Variants in VWA5A observed in about 807,000 individuals in gnomAD.
VWA5A encodes the protein von Willebrand factor A domain-containing protein 5A.
In VWA5A, 77 loss-of-function variants were observed where a neutral mutation model predicts 84.6. That is an observed-to-expected ratio of 0.91 (90% CI 0.76 to 1.10). VWA5A has a LOEUF of 1.10. Among genes scored for constraint, VWA5A ranks in the 50% least tolerant of loss-of-function variants. The pLI is 0.00. For synonymous variants in VWA5A, 334 were observed against 350.1 expected (o/e 0.95, Z 0.51); for missense variants, 973 against 963.0 (o/e 1.01, Z -0.14).
rs1339635801 is a variant in VWA5A, at chr11:124,146,551, C to G, written c.*606C>G. On this transcript the variant is annotated 3_prime_UTR_variant, in exon 19 of 19. Transcript: ENST00000456829. ...AGCCTGTACAACCTACATGTCTTTT[C>G]TTCCACTGCCTGAAAGACTTGGGTT... The G allele has an allele frequency of 6.6e-6, 1 of 152,344 alleles. No individual in the cohort carries two copies. Among genetic ancestry groups the G allele is most frequent in the Non-Finnish European group, 1.5e-5 (1 of 68,172 alleles). 9.4% of individuals were successfully genotyped at this position (152,344 alleles called of 1,614,324 possible).
chr11:124,133,954 C>G (rs1198859776), intron 11 of VWA5A, among the ~76,000 whole-genome samples: 1 of 152,096 alleles, frequency 6.6e-6, no homozygotes, highest in Non-Finnish European at 1.5e-5. Flanking sequence ...ACTTTGTTGC[C>G]TAGGCTGCTC....
At chr11:124,123,985 C>CA (rs1321213460) in intron 10 of VWA5A, among the ~76,000 whole-genome samples, 181 bp downstream of exon 10, 1 of 151,990 alleles carries the variant, frequency 6.6e-6, no homozygotes, top group Non-Finnish European at 1.5e-5. Context: ...ATGCGATGGA[C>CA]ACTGGAAGGC....
At chr11:124,122,590 G>T (rs936691473) in intron 7 of VWA5A, among the ~76,000 whole-genome samples, 1 of 152,194 alleles carries the variant, frequency 6.6e-6, no homozygotes, top group African/African-American at 2.4e-5. Flanking sequence ...TTGATTTGAA[G>T]AAAAGGTTTG....
intron 11 of VWA5A, among the ~76,000 whole-genome samples, chr11:124,125,740 A>G (rs1225792467): frequency 6.6e-6 from 1 of 152,182 alleles, no homozygotes; most frequent in African/African-American, 2.4e-5. Context: ...TTATTGATCT[A>G]TATAGTTCAT....
chr11:124,134,051 A>G (rs929593504), intron 11 of VWA5A, among the ~76,000 whole-genome samples: 1 of 152,206 alleles, frequency 6.6e-6, no homozygotes, highest in African/African-American at 2.4e-5. Flanking sequence ...AAAGACCTTA[A>G]AAATATAACA....
intron 17 of VWA5A, 143 bp downstream of exon 17, chr11:124,142,715 G>T (rs892592266): frequency 9.0e-6 from 10 of 1,110,224 alleles, no homozygotes; most frequent in East Asian, 2.6e-5. Flanking sequence ...GAGGCTGAAG[G>T]TTTTTCCAGT....
chr11:124,135,522 C>CTTTTT lies in VWA5A; in HGVS notation c.1359+508_1359+512dup, dbSNP rs60188800. 6.5e-3 allele frequency among the ~76,000 whole-genome samples: 552 copies of CTTTTT among 84,350 alleles called. 46 individuals are homozygous for CTTTTT. The highest frequency in any genetic ancestry group is 0.016 in the African/African-American group (344 of 21,036). 55.3% of individuals were successfully genotyped at this position (84,350 alleles called of 152,430 possible). Reference sequence around the variant, plus strand: ...GGAGAAGACCCCTCTGGTGGTATTTCTTTTTTTTTTTTTTTTTTTTTTTTC... The same window carrying CTTTTT: ...GGAGAAGACCCCTCTGGTGGTATTTCTTTTTTTTTTTTTTTTTTTTTTTTTTTTTC... On this transcript the variant is annotated intron_variant, in intron 12 of 18. Coordinates refer to ENST00000456829, the MANE Select transcript of VWA5A (RefSeq NM_001130142.2).
chr11:124,145,680 T>A (rs1160979176), intron 18 of VWA5A, among the ~76,000 whole-genome samples, 186 bp from the exon 19 acceptor site: 1 of 152,136 alleles, frequency 6.6e-6, no homozygotes, highest in Non-Finnish European at 1.5e-5. Context: ...GGCTGTTTGT[T>A]ATCTCACTGC....
intron 11 of VWA5A, among the ~76,000 whole-genome samples, chr11:124,133,663 G>A (rs566962738): frequency 9.9e-5 from 15 of 152,244 alleles, no homozygotes; most frequent in Non-Finnish European, 1.5e-5. Context: ...CTTGCCTGCA[G>A]AAGATGAATC....
intron 7 of VWA5A, among the ~76,000 whole-genome samples, chr11:124,119,931 T>A (rs1217826869): frequency 6.6e-6 from 1 of 152,228 alleles, no homozygotes; most frequent in East Asian, 1.9e-4. Flanking sequence ...AGTTCTTAAT[T>A]TCTTTTTTAT....
chr11:124,117,830 G>A lies in VWA5A; in HGVS notation c.201G>A (p.Leu67=), dbSNP rs113902318. Residue 67 remains leucine (L), a synonymous_variant, in exon 4 of 19, where the codon TTG becomes TTA. Coordinates refer to ENST00000456829, the MANE Select transcript of VWA5A (RefSeq NM_001130142.2). ...EDSAVYSFEA[L]VDGKKIVAEL... Reference sequence around the variant, plus strand: ...CTGCTGTTTACAGCTTTGAGGCCTTGGTGGATGGGAAGAAAATTGTAGCAG... The same window carrying A: ...CTGCTGTTTACAGCTTTGAGGCCTTAGTGGATGGGAAGAAAATTGTAGCAG... 13 of 1,614,164 alleles carry A rather than the reference G, an allele frequency of 8.1e-6. No homozygotes were observed. In the African/African-American group the frequency reaches 1.3e-4, roughly 17 times the overall value.
chr11:124,123,848 A>C, intron 10 of VWA5A, 44 bp downstream of exon 10: 1 of 1,522,964 alleles, frequency 6.6e-7, no homozygotes, highest in South Asian at 1.3e-5. Flanking sequence ...GGAAGTGTGA[A>C]ATCTCTAAGA....
At chr11:124,139,568 G>A (rs189870892) in intron 15 of VWA5A, among the ~76,000 whole-genome samples, 2 of 151,974 alleles carry the variant, frequency 1.3e-5, no homozygotes, top group Admixed American at 1.3e-4. Flanking sequence ...AAATGAGATT[G>A]TTTTCTTGAT....
intron 15 of VWA5A, among the ~76,000 whole-genome samples, chr11:124,139,759 C>T (rs1301087772): frequency 6.6e-6 from 1 of 151,786 alleles, no homozygotes; most frequent in Non-Finnish European, 1.5e-5. Flanking sequence ...TGTAGTTTAA[C>T]TTCCTCTTTT....
At chr11:124,134,522 GC>G (rs1367627914) in intron 11 of VWA5A, among the ~76,000 whole-genome samples, 1 of 152,208 alleles carries the variant, frequency 6.6e-6, no homozygotes, top group Non-Finnish European at 1.5e-5. Context: ...TATGGTACCA[GC>G]ACATCATTAG....
intron 15 of VWA5A, among the ~76,000 whole-genome samples, chr11:124,140,636 A>T (rs1048708780): frequency 6.6e-6 from 1 of 151,858 alleles, no homozygotes; most frequent in African/African-American, 2.4e-5. Flanking sequence ...GCTAATTTTT[A>T]ATTTTCATAT....
At chr11:124,123,879 T>C (rs1864974863) in intron 10 of VWA5A, 75 bp downstream of exon 10, 2 of 1,490,286 alleles carry the variant, frequency 1.3e-6, no homozygotes, top group South Asian at 2.8e-5. Flanking sequence ...CTGAGCTTCA[T>C]GCAGTATGTT....
Position 124,118,683 on chromosome 11 carries a change from T to C in VWA5A, c.620T>C (p.Leu207Pro). The change falls in exon 6 of 19, where the codon CTA (leucine) becomes CCA (proline). Residue 207 changes from leucine (L) to proline (P), a missense_variant. Physicochemically the swap from Leu to Pro is moderately conservative, Grantham distance 98 (BLOSUM62 -3). Coordinates refer to ENST00000456829, the MANE Select transcript of VWA5A (RefSeq NM_001130142.2). ...SNCPLSPTEYLGEDKTSAQVS... is the reference protein window; with the variant it reads ...SNCPLSPTEYPGEDKTSAQVS... ...TGCCCCTTGAGTCCTACCGAGTACCTAGGAGAGGACAAGACTTCTGCTCAG... is the reference window on the plus strand; with the variant it reads ...TGCCCCTTGAGTCCTACCGAGTACCCAGGAGAGGACAAGACTTCTGCTCAG... 1 of 1,613,984 alleles carries C rather than the reference T, an allele frequency of 6.2e-7. No individual in the cohort carries two copies. The highest frequency in any genetic ancestry group is 8.5e-7 in the Non-Finnish European group (1 of 1,179,974).
chr11:124,123,225 C>T, intron 8 of VWA5A, 96 bp downstream of exon 8: 1 of 1,528,278 alleles, frequency 6.5e-7, no homozygotes, highest in Non-Finnish European at 8.8e-7. Flanking sequence ...GAGAGAGCAG[C>T]ACGACCACCC....
Sources: gnomAD v4.1 joint callset for allele counts (sites outside exome capture counted in the v4.1 genomes callset) on GRCh38, gnomAD v4.1.1 for gene constraint, MANE v1.5 for transcripts, NCBI Gene and HGNC (gene_info 2026-07-23, HGNC 2026-07-21) for gene names.